ADGRF3: variants seen among roughly 807,000 people sequenced by gnomAD.
The protein encoded by ADGRF3 is G protein-coupled receptor 113.
In ADGRF3, 85 loss-of-function variants were observed where a neutral mutation model predicts 93.2. The ratio of observed to expected loss-of-function variants is 0.91; its 90% CI spans 0.77 to 1.09. The LOEUF (loss-of-function observed/expected upper bound fraction) is 1.09, where lower values mean the gene tolerates loss of function less well. Ranked by LOEUF, ADGRF3 falls within the 50% of genes least tolerant of loss-of-function variation. ADGRF3 has a pLI of 0.00. For synonymous variants in ADGRF3, 534 were observed against 532.5 expected, an observed-to-expected ratio of 1.00 and a Z score of -0.04; for missense variants, 1,125 against 1,246.2, an observed-to-expected ratio of 0.90 and a Z score of 1.46.
intron 1 of ADGRF3, chr2:26,345,750 C>A (rs1458865645): frequency 8.4e-6 from 2 of 238,054 alleles, no homozygotes; most frequent in Non-Finnish European, 1.7e-5. Context: ...AGTCACTCTA[C>A]CCCCAAGACT....
chr2:26,346,335 C>A lies in ADGRF3; in HGVS notation c.-101G>T. ...CCCCTCTCCCTGCTCCCGGCCTCGC[C>A]CAGGCGGCTGAGGGGCCCGCGCGGC... is the stretch of plus-strand genomic sequence containing the variant. On this transcript the variant is annotated 5_prime_UTR_variant, in exon 1 of 14. Coordinates refer to ENST00000651242, the MANE Select transcript of ADGRF3 (RefSeq NM_001321971.2). 1 of 1,579,898 alleles carries A rather than the reference C, an allele frequency of 6.3e-7. No homozygotes were observed. The highest frequency in any genetic ancestry group is 8.6e-7 in the Non-Finnish European group (1 of 1,162,492).
chr2:26,317,566 G>A lies in ADGRF3; in HGVS notation c.115-4C>T. Reference sequence around the variant, plus strand: ...CCCCTCCAGCCTGACTCTGTCCCTGGAACAGAACACAGAGGGGAGACCTCA... The same window carrying A: ...CCCCTCCAGCCTGACTCTGTCCCTGAAACAGAACACAGAGGGGAGACCTCA... On this transcript the variant is annotated splice_region_variant and splice_polypyrimidine_tract_variant and intron_variant, in intron 1 of 13. Coordinates refer to ENST00000651242, the MANE Select transcript of ADGRF3 (RefSeq NM_001321971.2). The A allele has an allele frequency of 1.9e-6, 3 of 1,565,532 alleles. No individual in the cohort carries two copies. Among genetic ancestry groups the A allele is most frequent in the Non-Finnish European group, 2.6e-6 (3 of 1,154,984 alleles).
In ADGRF3 at chr2:26,315,553, G is replaced by C; in HGVS notation, c.687C>G (p.Leu229=). 1 of 1,551,454 alleles carries C rather than the reference G, an allele frequency of 6.4e-7. No homozygotes were observed. The highest frequency in any genetic ancestry group is 8.7e-7 in the Non-Finnish European group (1 of 1,146,976). ...SVTSSHGQAA[L]SVSNMSHHWA... The stretch of plus-strand genomic sequence containing the variant: ...AGTGATGGGACATGTTGGAGACGCT[G>C]AGGGCAGCCTGGCCGTGGCTGGAAG... Residue 229 remains leucine, a synonymous_variant, in exon 5 of 14, where the codon CTC becomes CTG. Transcript: ENST00000651242.
At chr2:26,314,667 C>T (rs746906274) in intron 5 of ADGRF3, 44 bp from the exon 6 acceptor site, 12 of 1,524,502 alleles carry the variant, frequency 7.9e-6, no homozygotes, top group East Asian at 2.3e-5. Flanking sequence ...CTCTGGGCCC[C>T]GCTGCACCAC....
At chr2:26,320,438 G>A (rs778139562) in intron 1 of ADGRF3, among the ~76,000 whole-genome samples, 24 of 152,334 alleles carry the variant, frequency 1.6e-4, no homozygotes, top group Non-Finnish European at 2.6e-4. Context: ...GGAGGTTGCA[G>A]TGAGCTGAAA....
chr2:26,326,515 A>G (rs1432512499), intron 1 of ADGRF3, among the ~76,000 whole-genome samples: 1 of 152,156 alleles, frequency 6.6e-6, no homozygotes. Context: ...ACTTATTTCA[A>G]TATTCTAGTG....
At position 26,313,044 on chromosome 2, in the gene ADGRF3, C is replaced by T; in HGVS notation, c.1348G>A (p.Ala450Thr). Residue 450 changes from alanine (A) to threonine (T), a missense_variant, in exon 9 of 14, where the codon GCA (alanine) becomes ACA (threonine). Coordinates refer to ENST00000651242, the MANE Select transcript of ADGRF3 (RefSeq NM_001321971.2). Reference protein sequence around the residue: ...LAQLPGQAAEASSPSDLLTLL... With the variant: ...LAQLPGQAAETSSPSDLLTLL... The stretch of plus-strand genomic sequence containing the variant: ...GTCAGTAAGTCGGAGGGTGAACTTG[C>T]CTCTGCCGCCTGCCCTGGCAGCTGT... 1 of 1,614,054 alleles carries T rather than the reference C, an allele frequency of 6.2e-7. No individual in the cohort carries two copies. Among genetic ancestry groups the T allele is most frequent in the Non-Finnish European group, 8.5e-7 (1 of 1,179,902 alleles).
intron 1 of ADGRF3, among the ~76,000 whole-genome samples, chr2:26,327,197 T>C (rs1475740091): frequency 6.6e-6 from 1 of 152,204 alleles, no homozygotes; most frequent in Non-Finnish European, 1.5e-5. Context: ...GAGTCTGGGG[T>C]TGGGCCTACA....
chr2:26,329,697 T>C (rs74758299), intron 1 of ADGRF3, among the ~76,000 whole-genome samples: 3,859 of 152,382 alleles, frequency 0.025, 101 homozygotes, highest in South Asian at 0.14. Context: ...AGTAATTTAA[T>C]ACAGAGCTCA....
At chr2:26,340,324 T>C (rs372530687) in intron 1 of ADGRF3, 24 of 152,166 alleles carry the variant, frequency 1.6e-4, no homozygotes, top group African/African-American at 5.6e-4. Context: ...AGAATTCCTA[T>C]AGGAAAAATG....
chr2:26,342,962 G>A (rs1242458859), intron 1 of ADGRF3, among the ~76,000 whole-genome samples: 1 of 152,216 alleles, frequency 6.6e-6, no homozygotes, highest in African/African-American at 2.4e-5. Flanking sequence ...CTTAATGACA[G>A]GATATGCTCT....
rs1673792932 is a variant in ADGRF3, at chr2:26,309,054, C to T, written c.*32G>A. The T allele has an allele frequency of 1.2e-6, 2 of 1,613,882 alleles. No individual in the cohort carries two copies. The highest frequency in any genetic ancestry group is 1.7e-6 in the Non-Finnish European group (2 of 1,179,870). ...GGTGGGTTCAAGCACACAGCCTCAA[C>T]TCCCTTGCAGGAACATGGGTCCGTG... On this transcript the variant is annotated 3_prime_UTR_variant, in exon 14 of 14. Transcript: ENST00000651242.
intron 1 of ADGRF3, among the ~76,000 whole-genome samples, chr2:26,334,736 C>T (rs1341049620): frequency 1.3e-5 from 2 of 152,180 alleles, no homozygotes; most frequent in Non-Finnish European, 2.9e-5. Context: ...TATTATAAAA[C>T]CATAGAACCT....
chr2:26,334,143 T>C (rs1675914798), intron 1 of ADGRF3, among the ~76,000 whole-genome samples: 2 of 152,014 alleles, frequency 1.3e-5, no homozygotes, highest in South Asian at 4.2e-4. Context: ...TGTACAAGGA[T>C]AGGATTTTTA....
In ADGRF3 at chr2:26,314,628, A is replaced by T. The variant is rs760525948; in HGVS notation, c.719-5T>A. Reference sequence around the variant, plus strand: ...CGAAGCAGCTCATGTACTCACCTGCAGAAACGTGTGTGCGGCGCTATGTGG... The same window carrying T: ...CGAAGCAGCTCATGTACTCACCTGCTGAAACGTGTGTGCGGCGCTATGTGG... On this transcript the variant is annotated splice_polypyrimidine_tract_variant and splice_region_variant and intron_variant, in intron 5 of 13. Coordinates refer to ENST00000651242, the MANE Select transcript of ADGRF3 (RefSeq NM_001321971.2). The T allele has an allele frequency of 1.2e-6, 2 of 1,613,002 alleles. No homozygotes were observed. The highest frequency in any genetic ancestry group is 1.7e-6 in the Non-Finnish European group (2 of 1,179,110).
intron 1 of ADGRF3, among the ~76,000 whole-genome samples, chr2:26,321,554 GC>G (rs1266036151): frequency 1.3e-5 from 2 of 152,134 alleles, no homozygotes; most frequent in Non-Finnish European, 2.9e-5. Flanking sequence ...ATGCTTCAGT[GC>G]CGAGGGGAGA....
Position 26,346,437 on chromosome 2 carries a change from G to T in ADGRF3, c.-203C>A. On this transcript the variant is annotated 5_prime_UTR_variant, in exon 1 of 14. Transcript: ENST00000651242. Reference sequence around the variant, plus strand: ...CCTCCGGAGGTCCTGCGGGTCCTGGGGATTGGGGGTCGGGGAGCGTGGGAG... The same window carrying T: ...CCTCCGGAGGTCCTGCGGGTCCTGGTGATTGGGGGTCGGGGAGCGTGGGAG... The T allele has an allele frequency of 3.0e-6, 3 of 985,236 alleles. No individual in the cohort carries two copies. Among genetic ancestry groups the T allele is most frequent in the East Asian group, 3.0e-5 (1 of 33,810 alleles). The allele number at this position is 985,236 out of a possible 1,614,324, so 61.0% of individuals were successfully genotyped here.
At chr2:26,313,153 C>T (rs1475908819) in intron 8 of ADGRF3, 31 bp from the exon 9 acceptor site, 1 of 1,610,996 alleles carries the variant, frequency 6.2e-7, no homozygotes, top group Admixed American at 1.7e-5. Flanking sequence ...TGAAGTGGGA[C>T]ACATGGTGGA....
chr2:26,335,502 G>A (rs1314114751), intron 1 of ADGRF3, among the ~76,000 whole-genome samples: 1 of 152,068 alleles, frequency 6.6e-6, no homozygotes, highest in Non-Finnish European at 1.5e-5. Context: ...CAAGTTTTTG[G>A]AGTAGAATGA....
Sources: gnomAD v4.1 joint callset for allele counts (sites outside exome capture counted in the v4.1 genomes callset) on GRCh38, gnomAD v4.1.1 for gene constraint, MANE v1.5 for transcripts, NCBI Gene and HGNC (gene_info 2026-07-23, HGNC 2026-07-21) for gene names.